RALYL: variants seen among roughly 807,000 people sequenced by gnomAD.
RALYL encodes RALY RNA binding protein like.
RALYL carries 29 observed loss-of-function variants against 35.1 expected under a neutral mutation model. The observed-to-expected ratio is 0.83, with a 90% CI of 0.61 to 1.13. RALYL has a LOEUF of 1.13. Among genes scored for constraint, RALYL ranks in the 50% most tolerant of loss-of-function variants. The pLI, the probability that RALYL is intolerant of heterozygous loss-of-function variation, is 0.00. For missense variants in RALYL, 359 were observed against 360.4 expected (o/e 1.00, Z 0.03); for synonymous variants, 120 against 127.6 (o/e 0.94, Z 0.40).
intron 1 of RALYL, among the ~76,000 whole-genome samples, chr8:84,526,414 A>C (rs1463228931): frequency 1.3e-5 from 2 of 152,066 alleles, no homozygotes; most frequent in East Asian, 3.9e-4. Context: ...ACTAAGGCTC[A>C]CCCTTCTGAT....
chr8:84,235,763 T>A (rs1031251706), intron 1 of RALYL, among the ~76,000 whole-genome samples: 2 of 149,400 alleles, frequency 1.3e-5, no homozygotes, highest in Non-Finnish European at 3.0e-5. Flanking sequence ...TTCTTTTTCT[T>A]TTTCTTTTTT....
chr8:84,381,316 A>T (rs1385994130), intron 1 of RALYL, among the ~76,000 whole-genome samples: 6 of 151,876 alleles, frequency 4.0e-5, no homozygotes, highest in Non-Finnish European at 8.8e-5. Context: ...GTATATCTGT[A>T]TGAAATGTAG....
At chr8:84,213,283 C>T (rs566016852) in intron 1 of RALYL, among the ~76,000 whole-genome samples, 15 of 151,904 alleles carry the variant, frequency 9.9e-5, no homozygotes, top group Admixed American at 3.9e-4. Flanking sequence ...CCCAGCTACT[C>T]GGGAGGCTGA....
chr8:84,419,024 C>T (rs1190434378), intron 1 of RALYL, among the ~76,000 whole-genome samples: 2 of 152,106 alleles, frequency 1.3e-5, no homozygotes, highest in East Asian at 3.9e-4. Flanking sequence ...TTTTACATCC[C>T]TCTCTTGTTG....
chr8:84,223,131 TCCTTTC>T (rs1822756118), intron 1 of RALYL, among the ~76,000 whole-genome samples: 1 of 139,780 alleles, frequency 7.2e-6, no homozygotes, highest in African/African-American at 2.8e-5. Context: ...TCCTTTCCTT[TCCTTTC>T]CTTTCCTTTC....
intron 1 of RALYL, among the ~76,000 whole-genome samples, chr8:84,487,247 A>AT (rs977438965): frequency 2.0e-5 from 3 of 152,028 alleles, no homozygotes; most frequent in African/African-American, 7.2e-5. Flanking sequence ...TCAATAAATA[A>AT]TTTTTTCAGA....
intron 8 of RALYL, among the ~76,000 whole-genome samples, chr8:84,890,382 AT>A (rs1169953085): frequency 2.6e-5 from 4 of 152,156 alleles, no homozygotes; most frequent in Non-Finnish European, 4.4e-5. Flanking sequence ...ACTATCACAG[AT>A]TTGAGGGGAA....
chr8:84,848,527 A>C (rs2134756194), intron 4 of RALYL, among the ~76,000 whole-genome samples: 1 of 152,108 alleles, frequency 6.6e-6, no homozygotes, highest in East Asian at 1.9e-4. Flanking sequence ...TACATGGATA[A>C]ACTTTGAAAA....
intron 1 of RALYL, among the ~76,000 whole-genome samples, chr8:84,331,121 T>A (rs777213997): frequency 1.3e-4 from 20 of 152,094 alleles, no homozygotes; most frequent in Non-Finnish European, 2.6e-4. Context: ...ATATAAGACA[T>A]TCTAACATAT....
intron 2 of RALYL, among the ~76,000 whole-genome samples, chr8:84,611,955 G>A (rs1285406076): frequency 6.6e-6 from 1 of 151,668 alleles, no homozygotes; most frequent in African/African-American, 2.4e-5. Flanking sequence ...TTCTGTTTTT[G>A]GTTATTTGTC....
intron 1 of RALYL, among the ~76,000 whole-genome samples, chr8:84,464,146 T>G (rs1176009763): frequency 1.3e-5 from 2 of 151,514 alleles, no homozygotes; most frequent in Non-Finnish European, 2.9e-5. Flanking sequence ...TTTTTTGTTT[T>G]TTTTTTTATT....
At chr8:84,508,452 A>G (rs2057351722) in intron 1 of RALYL, among the ~76,000 whole-genome samples, 1 of 152,124 alleles carries the variant, frequency 6.6e-6, no homozygotes, top group Non-Finnish European at 1.5e-5. Flanking sequence ...CCAACAATAC[A>G]AGTTCCATCT....
intron 4 of RALYL, among the ~76,000 whole-genome samples, chr8:84,811,803 C>A (rs889399936): frequency 2.0e-5 from 3 of 152,116 alleles, no homozygotes; most frequent in African/African-American, 4.8e-5. Context: ...TTGTTCATTT[C>A]TATTGCTGAG....
chr8:84,716,924 C>CAT lies in RALYL; in HGVS notation c.257-57653_257-57652dup, dbSNP rs570334375. Among the ~76,000 whole-genome samples the CAT allele has an allele frequency of 1.1e-4, 17 of 152,152 alleles. No individual in the cohort carries two copies. The East Asian group carries it at 2.5e-3, about 22-fold the overall frequency. ...AGGAACAAAATACAAGAAATTGTAG[C>CAT]ATAAAGATCATAGATATGCTTTGGG... On this transcript the variant is annotated intron_variant, in intron 2 of 8. Coordinates refer to ENST00000521268, the MANE Select transcript of RALYL (RefSeq NM_173848.7).
At chr8:84,616,841 A>C (rs1021881253) in intron 2 of RALYL, among the ~76,000 whole-genome samples, 14 of 151,794 alleles carry the variant, frequency 9.2e-5, no homozygotes, top group Non-Finnish European at 1.9e-4. Flanking sequence ...CCATTTATTA[A>C]GTAGGGAATC....
At chr8:84,657,944 G>T (rs1564323333) in intron 2 of RALYL, among the ~76,000 whole-genome samples, 1 of 152,152 alleles carries the variant, frequency 6.6e-6, no homozygotes, top group Non-Finnish European at 1.5e-5. Context: ...TCCTAAGCCT[G>T]CCAACTGACT....
intron 1 of RALYL, among the ~76,000 whole-genome samples, chr8:84,451,897 A>T (rs2049520857): frequency 6.6e-6 from 1 of 151,904 alleles, no homozygotes. Flanking sequence ...CAAAATGCTC[A>T]TGGTTTTATT....
intron 1 of RALYL, among the ~76,000 whole-genome samples, chr8:84,476,426 G>A (rs1043113922): frequency 3.3e-5 from 5 of 152,124 alleles, no homozygotes; most frequent in African/African-American, 1.2e-4. Flanking sequence ...GCAAAGCCAT[G>A]CAAGGTAAAG....
intron 1 of RALYL, among the ~76,000 whole-genome samples, chr8:84,471,121 C>T (rs2133698257): frequency 6.6e-6 from 1 of 152,304 alleles, no homozygotes; most frequent in African/African-American, 2.4e-5. Flanking sequence ...ACTTCTCCTA[C>T]AAAGTAAGTG....
Sources: allele counts gnomAD v4.1 joint callset (sites outside exome capture counted in the v4.1 genomes callset), GRCh38; gene constraint gnomAD v4.1.1; transcripts MANE v1.5; gene names NCBI Gene and HGNC (gene_info 2026-07-23, HGNC 2026-07-21).